The following RAP1GDS1 variants were observed in gnomAD, a reference collection of about 807,000 sequenced individuals.
RAP1GDS1 encodes RAP1, GTP-GDP dissociation stimulator 1.
Under a neutral mutation model 71.1 loss-of-function variants are expected in RAP1GDS1, and 35 were observed. The ratio of observed to expected loss-of-function variants is 0.49; its 90% CI spans 0.38 to 0.65. RAP1GDS1 has a LOEUF of 0.65. Ranked by LOEUF, RAP1GDS1 falls within the 30% of genes least tolerant of loss-of-function variation. The probability of loss-of-function intolerance (pLI) is 0.00; values close to 1 mark genes in which losing one functional copy is unlikely to be tolerated. For missense variants in RAP1GDS1, 663 were observed against 706.1 expected (o/e 0.94, Z 0.69); for synonymous variants, 229 against 243.1 (o/e 0.94, Z 0.54).
intron 5 of RAP1GDS1, among the ~76,000 whole-genome samples, chr4:98,390,749 T>TA (rs1052721164): frequency 6.6e-5 from 10 of 151,978 alleles, no homozygotes; most frequent in African/African-American, 1.7e-4. Context: ...TAAAGAGTAA[T>TA]AAAAAAAATT....
Position 98,441,972 on chromosome 4 carries a change from T to TA in RAP1GDS1, c.1697-17dup, listed in dbSNP as rs770112602. On this transcript the variant is annotated splice_polypyrimidine_tract_variant and intron_variant, in intron 14 of 14. Transcript: ENST00000408927. Reference sequence around the variant, plus strand: ...AACAACCTAACAGAATCATATCTGTTATTTTTTTGTCTTCCAGAATGTCTA... The same window carrying TA: ...AACAACCTAACAGAATCATATCTGTTAATTTTTTTGTCTTCCAGAATGTCTA... 1 of 1,612,986 alleles carries TA rather than the reference T, an allele frequency of 6.2e-7. No homozygotes were observed. Among genetic ancestry groups the TA allele is most frequent in the South Asian group, 1.1e-5 (1 of 90,970 alleles).
chr4:98,337,245 C>T (rs750754206), intron 2 of RAP1GDS1, among the ~76,000 whole-genome samples: 1 of 152,182 alleles, frequency 6.6e-6, no homozygotes, highest in African/African-American at 2.4e-5. Context: ...TTGCTTTTCT[C>T]TCATTTAATC....
At chr4:98,261,668 T>C in intron 1 of RAP1GDS1, 99 bp downstream of exon 1, 5 of 1,422,576 alleles carry the variant, frequency 3.5e-6, no homozygotes, top group Non-Finnish European at 3.9e-6. Flanking sequence ...GCCGGATTTC[T>C]CCAGTCCCCG....
chr4:98,312,848 T>C (rs1412318539), intron 2 of RAP1GDS1, among the ~76,000 whole-genome samples: 1 of 151,508 alleles, frequency 6.6e-6, no homozygotes, highest in Admixed American at 6.6e-5. Flanking sequence ...GGCGGGTGGA[T>C]CGCAAGGTCA....
intron 4 of RAP1GDS1, among the ~76,000 whole-genome samples, chr4:98,364,422 A>G (rs1417781706): frequency 6.6e-6 from 1 of 152,124 alleles, no homozygotes; most frequent in East Asian, 1.9e-4. Context: ...GATAGTGTTG[A>G]TCTGAAAACC....
At chr4:98,398,074 C>T in intron 6 of RAP1GDS1, among the ~76,000 whole-genome samples, 1 of 151,994 alleles carries the variant, frequency 6.6e-6, no homozygotes, top group Non-Finnish European at 1.5e-5. Context: ...CAATGGCAGA[C>T]AGCTCAAGAG....
chr4:98,380,268 A>C (rs1397981966), intron 5 of RAP1GDS1, among the ~76,000 whole-genome samples: 4 of 151,712 alleles, frequency 2.6e-5, no homozygotes, highest in Non-Finnish European at 4.4e-5. Context: ...AATACTGCCC[A>C]ATCTTTATAT....
intron 4 of RAP1GDS1, among the ~76,000 whole-genome samples, chr4:98,366,987 A>T (rs4321644): frequency 0.14 from 20,767 of 152,174 alleles, 2,026 homozygotes; most frequent in African/African-American, 0.27. Context: ...AATCTGCGTA[A>T]GGAGGAACCG....
At chr4:98,262,760 G>A (rs1164008352) in intron 1 of RAP1GDS1, among the ~76,000 whole-genome samples, 4 of 152,180 alleles carry the variant, frequency 2.6e-5, no homozygotes, top group Non-Finnish European at 5.9e-5. Context: ...AGAGTTAGGT[G>A]GTGCAACTCA....
chr4:98,358,702 A>C (rs558500686), intron 4 of RAP1GDS1, among the ~76,000 whole-genome samples: 2 of 152,076 alleles, frequency 1.3e-5, no homozygotes, highest in African/African-American at 4.8e-5. Context: ...AAATCTGTAC[A>C]TATGTTAGAA....
intron 1 of RAP1GDS1, among the ~76,000 whole-genome samples, chr4:98,269,875 G>A (rs1723216107): frequency 2.0e-5 from 3 of 152,112 alleles, no homozygotes; most frequent in Admixed American, 6.6e-5. Flanking sequence ...TACTCAATCT[G>A]TATTTACCTA....
At chr4:98,308,329 A>ATATATATATATG (rs1388936216) in intron 2 of RAP1GDS1, among the ~76,000 whole-genome samples, 1 of 138,034 alleles carries the variant, frequency 7.2e-6, no homozygotes, top group Non-Finnish European at 1.5e-5. Flanking sequence ...ATATATATAT[A>ATATATATATATG]TATGCGCCAG....
intron 1 of RAP1GDS1, among the ~76,000 whole-genome samples, chr4:98,281,589 A>G (rs1725111457): frequency 6.6e-6 from 1 of 152,154 alleles, no homozygotes; most frequent in Admixed American, 6.5e-5. Flanking sequence ...TCCTAATTGA[A>G]TACCCTTTAT....
chr4:98,356,084 C>T (rs896937811), intron 4 of RAP1GDS1, among the ~76,000 whole-genome samples: 1 of 152,070 alleles, frequency 6.6e-6, no homozygotes, highest in African/African-American at 2.4e-5. Flanking sequence ...GCCAAAATAA[C>T]TCTTTTTATG....
chr4:98,417,293 T>G lies in RAP1GDS1; in HGVS notation c.908-74T>G. 4.9e-6 allele frequency: 7 copies of G among 1,440,526 alleles called. No individual in the cohort carries two copies. The South Asian group carries it at 7.7e-5, about 16-fold the overall frequency. The allele number at this position is 1,440,526 out of a possible 1,614,324, so 89.2% of individuals were successfully genotyped here. The stretch of plus-strand genomic sequence containing the variant: ...TGAGGTGTGAGTTTCCAGTTGGATA[T>G]TCACCTAAGAATGTGAATTTGTTAC... On this transcript the variant is annotated intron_variant, in intron 8 of 14. Coordinates refer to ENST00000408927, the MANE Select transcript of RAP1GDS1 (RefSeq NM_001100427.2).
chr4:98,357,315 C>T (rs10516429), intron 4 of RAP1GDS1, among the ~76,000 whole-genome samples: 10,025 of 151,914 alleles, frequency 0.066, 380 homozygotes, highest in Admixed American at 0.13. Context: ...AATTATCAGT[C>T]AGTAAGTAGC....
chr4:98,339,271 T>C (rs935958960), intron 2 of RAP1GDS1, among the ~76,000 whole-genome samples: 7 of 152,152 alleles, frequency 4.6e-5, no homozygotes, highest in African/African-American at 1.7e-4. Context: ...CTTCAGGGGC[T>C]ATTGTGATGG....
intron 2 of RAP1GDS1, among the ~76,000 whole-genome samples, chr4:98,316,214 C>T (rs1450436222): frequency 4.0e-5 from 6 of 151,600 alleles, no homozygotes; most frequent in Non-Finnish European, 7.4e-5. Flanking sequence ...TTTTTTCTTC[C>T]AGTGTAGGTA....
intron 7 of RAP1GDS1, among the ~76,000 whole-genome samples, chr4:98,409,114 A>G (rs891915534): frequency 1.3e-5 from 2 of 152,206 alleles, no homozygotes; most frequent in African/African-American, 4.8e-5. Flanking sequence ...TTAATTCAAA[A>G]GAATCTATAG....
Sources: allele counts gnomAD v4.1 joint callset (sites outside exome capture counted in the v4.1 genomes callset), GRCh38; gene constraint gnomAD v4.1.1; transcripts MANE v1.5; gene names NCBI Gene and HGNC (gene_info 2026-07-23, HGNC 2026-07-21).